The following MYL4 variants were observed in gnomAD, a reference collection of about 807,000 sequenced individuals.
The protein encoded by MYL4 is myosin light chain 4.
In MYL4, 16 loss-of-function variants were observed where a neutral mutation model predicts 21.6. That is an observed-to-expected ratio of 0.74 (90% CI 0.50 to 1.12). The LOEUF (loss-of-function observed/expected upper bound fraction) is 1.12, where lower values mean the gene tolerates loss of function less well. Ranked by LOEUF, MYL4 falls within the 50% of genes most tolerant of loss-of-function variation. MYL4 has a pLI of 0.00. For missense variants in MYL4, 249 were observed against 252.9 expected (o/e 0.98, Z 0.11); for synonymous variants, 82 against 95.7 (o/e 0.86, Z 0.83).
chr17:47,198,819 CA>C (rs1046124516), upstream of MYL4, among the ~76,000 whole-genome samples: 1 of 151,300 alleles, frequency 6.6e-6, no homozygotes, highest in East Asian at 1.9e-4. Context: ...CTCATTTCTA[CA>C]AAAAAAATAA....
upstream of MYL4, chr17:47,200,356 C>G (rs569830234): frequency 6.6e-6 from 1 of 152,270 alleles, no homozygotes; most frequent in African/African-American, 2.4e-5. Context: ...CCAGGGCCGT[C>G]TCTTCTACTG....
intron 1 of MYL4, among the ~76,000 whole-genome samples, chr17:47,203,078 G>A (rs1464043271): frequency 6.6e-6 from 1 of 152,118 alleles, no homozygotes; most frequent in Non-Finnish European, 1.5e-5. Context: ...AGCCTCCTGA[G>A]TATCTGGAAT....
downstream of MYL4, among the ~76,000 whole-genome samples, chr17:47,226,540 A>G (rs73985144): frequency 4.9e-3 from 741 of 152,378 alleles, 6 homozygotes; most frequent in African/African-American, 0.017. Context: ...GAAGACAGAC[A>G]TTAGTTATAA....
intron 1 of MYL4, among the ~76,000 whole-genome samples, chr17:47,201,007 A>G (rs2064707260): frequency 6.6e-6 from 1 of 152,170 alleles, no homozygotes; most frequent in Admixed American, 6.5e-5. Context: ...CCCTGTCTCT[A>G]CTAAAAATAC....
intron 1 of MYL4, among the ~76,000 whole-genome samples, chr17:47,202,285 C>T (rs889110310): frequency 6.6e-6 from 1 of 152,198 alleles, no homozygotes; most frequent in African/African-American, 2.4e-5. Context: ...TGTGCCAGGC[C>T]CACATTCTTT....
intron 2 of MYL4, among the ~76,000 whole-genome samples, chr17:47,216,517 G>T (rs996118971): frequency 6.6e-6 from 1 of 151,838 alleles, no homozygotes; most frequent in African/African-American, 2.4e-5. Flanking sequence ...TTTACATGAG[G>T]ATAATAATAC....
exon 1 of MYL4, chr17:47,200,517 C>G (rs1422153461): frequency 6.6e-6 from 1 of 152,214 alleles, no homozygotes; most frequent in Non-Finnish European, 1.5e-5. Context: ...CAAGTCACCC[C>G]CTTCTCTCTG....
upstream of MYL4, among the ~76,000 whole-genome samples, chr17:47,207,342 C>T (rs1008329334): frequency 3.3e-5 from 5 of 152,202 alleles, no homozygotes; most frequent in African/African-American, 9.7e-5. Flanking sequence ...GTTGGCCCAG[C>T]TCTGCCTATA....
chr17:47,200,055 T>C (rs1014474052), upstream of MYL4, among the ~76,000 whole-genome samples: 1 of 150,316 alleles, frequency 6.7e-6, no homozygotes, highest in Non-Finnish European at 1.5e-5. Flanking sequence ...TAAGTGTTAG[T>C]TGAATGAATG....
At chr17:47,198,007 T>C (rs2064695728), upstream of MYL4, among the ~76,000 whole-genome samples, 1 of 152,150 alleles carries the variant, frequency 6.6e-6, no homozygotes, top group Non-Finnish European at 1.5e-5. Context: ...CCAAAGGAGC[T>C]GTTGATGATG....
At chr17:47,209,168 C>G (rs988718476), upstream of MYL4, 2 of 608,790 alleles carry the variant, frequency 3.3e-6, no homozygotes, top group Non-Finnish European at 5.8e-6. Flanking sequence ...GAAGAGAGAG[C>G]TGTGGCATGA....
the MYL4 span, among the ~76,000 whole-genome samples, chr17:47,194,745 C>T: frequency 5.3e-5 from 8 of 151,940 alleles, no homozygotes; most frequent in African/African-American, 1.9e-4. Context: ...CTTTATAGTC[C>T]ACCTTCCAAT....
At chr17:47,221,274 C>T (rs1892898457) in intron 3 of MYL4, among the ~76,000 whole-genome samples, 1 of 152,100 alleles carries the variant, frequency 6.6e-6, no homozygotes, top group Non-Finnish European at 1.5e-5. Context: ...GTTGGTTTGC[C>T]CCTGTGATTA....
intron 3 of MYL4, among the ~76,000 whole-genome samples, chr17:47,221,466 G>T (rs1250617967): frequency 1.3e-5 from 2 of 152,024 alleles, no homozygotes; most frequent in Non-Finnish European, 2.9e-5. Flanking sequence ...GAGAAAAGAG[G>T]GCCCCTGAGA....
At chr17:47,189,470 G>C in the MYL4 span, 1 of 493,760 alleles carries the variant, frequency 2.0e-6, no homozygotes, top group Non-Finnish European at 3.7e-6. Flanking sequence ...CTGACCCAAA[G>C]CGTAGGTTTC....
chr17:47,199,065 TTTA>T (rs2064699795), upstream of MYL4, among the ~76,000 whole-genome samples: 1 of 141,206 alleles, frequency 7.1e-6, no homozygotes. Context: ...AAACCCCGTC[TTTA>T]CTAAAAAAAA....
At chr17:47,196,931 C>T (rs965736360), upstream of MYL4, among the ~76,000 whole-genome samples, 6 of 151,544 alleles carry the variant, frequency 4.0e-5, no homozygotes, top group Admixed American at 1.3e-4. Flanking sequence ...GCTCTTGTTT[C>T]GTTAAAATAT....
At chr17:47,199,424 G>A (rs565799267), upstream of MYL4, among the ~76,000 whole-genome samples, 1 of 151,858 alleles carries the variant, frequency 6.6e-6, no homozygotes, top group South Asian at 2.1e-4. Context: ...TCAGTTGTAC[G>A]ATCCTCCCGC....
At chr17:47,212,481 G>C (rs147961066) in intron 1 of MYL4, among the ~76,000 whole-genome samples, 1 of 152,254 alleles carries the variant, frequency 6.6e-6, no homozygotes, top group Non-Finnish European at 1.5e-5. Context: ...ATTAGGAAGC[G>C]TGGAGGGCCC....
Sources: gnomAD v4.1 joint callset for allele counts (sites outside exome capture counted in the v4.1 genomes callset) on GRCh38, gnomAD v4.1.1 for gene constraint, MANE v1.5 for transcripts, NCBI Gene and HGNC (gene_info 2026-07-23, HGNC 2026-07-21) for gene names.